COX10: variants seen among roughly 807,000 people sequenced by gnomAD.
The protein encoded by COX10 is cytochrome c oxidase assembly factor heme A:farnesyltransferase COX10.
Under a neutral mutation model 37.3 loss-of-function variants are expected in COX10, and 27 were observed. That is an observed-to-expected ratio of 0.72 (90% CI 0.53 to 1.00). COX10 has a LOEUF of 1.00. Ranked by LOEUF, COX10 falls within the 50% of genes least tolerant of loss-of-function variation. The pLI, the probability that COX10 is intolerant of heterozygous loss-of-function variation, is 0.00. For missense variants in COX10, 475 were observed against 563.2 expected (o/e 0.84, Z 1.59); for synonymous variants, 222 against 229.1 (o/e 0.97, Z 0.28).
intron 3 of COX10, among the ~76,000 whole-genome samples, chr17:14,084,449 C>T (rs1915365209): frequency 6.6e-6 from 1 of 152,008 alleles, no homozygotes; most frequent in African/African-American, 2.4e-5. Context: ...GAAATTTTTT[C>T]TATGCATCTC....
chr17:14,166,815 T>TGTGTTG (rs1905303154), intron 5 of COX10, among the ~76,000 whole-genome samples: 1 of 148,092 alleles, frequency 6.8e-6, no homozygotes, highest in African/African-American at 2.5e-5. Flanking sequence ...TTTGTATTTT[T>TGTGTTG]AGTAGAGATG....
At position 14,188,476 on chromosome 17, in the gene COX10, TAAA is replaced by T. The variant is rs57991104; in HGVS notation, c.696-3503_696-3501del. 3.3e-3 allele frequency among the ~76,000 whole-genome samples: 498 copies of T among 149,036 alleles called. 4 individuals carry two copies. The highest frequency in any genetic ancestry group is 0.012 in the African/African-American group (465 of 40,268). On this transcript the variant is annotated intron_variant, in intron 5 of 6. Transcript: ENST00000261643. ...AAAAATAGAATTAAAAGATAAAAAT[TAAA>T]AAAAAAAAACTATTTCTCAACCTAA...
In COX10 at chr17:14,076,868, C is replaced by T. The variant is rs202207627; in HGVS notation, c.311C>T (p.Pro104Leu). Residue 104 changes from proline to leucine, a missense_variant, in exon 3 of 7, where the codon CCG becomes CTG. Physicochemically the swap from Pro to Leu is moderately conservative, Grantham distance 98. Around this residue, in one of 5 missense-constraint regions of COX10, gnomAD observed 242 missense variants for 242.5 expected, o/e 1.00. Transcript: ENST00000261643. ...ATATATGAGATGAGACCTCTCTCAC[C>T]GCCCAGCCTATCTTTGTCCAGAAAG... ...AEIYEMRPLSPPSLSLSRKPN... is the reference protein window; with the variant it reads ...AEIYEMRPLSLPSLSLSRKPN... The T allele has an allele frequency of 1.8e-4, 292 of 1,614,098 alleles. No homozygotes were observed. The highest frequency in any genetic ancestry group is 1.6e-3 in the Middle Eastern group (10 of 6,062).
At chr17:14,169,252 T>C (rs1905383673) in intron 5 of COX10, among the ~76,000 whole-genome samples, 1 of 152,210 alleles carries the variant, frequency 6.6e-6, no homozygotes, top group Non-Finnish European at 1.5e-5. Flanking sequence ...TTTACTCCAA[T>C]TCCCAATAAT....
At chr17:14,086,750 C>G (rs935230803) in intron 3 of COX10, among the ~76,000 whole-genome samples, 2 of 151,886 alleles carry the variant, frequency 1.3e-5, no homozygotes, top group Non-Finnish European at 2.9e-5. Flanking sequence ...TAGTTATTTG[C>G]TTTCTTCCCT....
chr17:14,122,435 A>T (rs551594479), intron 4 of COX10, among the ~76,000 whole-genome samples: 1 of 152,306 alleles, frequency 6.6e-6, no homozygotes, highest in African/African-American at 2.4e-5. Flanking sequence ...TTATCCACTT[A>T]CAGTTTATCA....
chr17:14,102,122 G>A lies in COX10; in HGVS notation c.504G>A (p.Leu168=), dbSNP rs2159132. 892,208 of 1,613,070 alleles carry A rather than the reference G, an allele frequency of 0.55. 249,101 individuals carry two copies. The highest frequency in any genetic ancestry group is 0.59 in the Middle Eastern group (3,552 of 6,030). ...TGCTCTGTTTCTGTATCGCAGCTCT[G>A]GTTGTAAGTACCACTGCAGCTGGAT... ...ARLSKIKLTA[L]VVSTTAAGFA... is the part of the protein sequence containing the mutation. Residue 168 remains leucine, a synonymous_variant, in exon 4 of 7, where the codon CTG becomes CTA. Transcript: ENST00000261643.
intron 4 of COX10, among the ~76,000 whole-genome samples, chr17:14,146,237 T>C (rs1038804129): frequency 6.6e-5 from 10 of 152,008 alleles, no homozygotes; most frequent in African/African-American, 2.4e-4. Context: ...AGCTATAGTA[T>C]ACAAAGCTAT....
chr17:14,121,900 C>T (rs3826368), intron 4 of COX10, among the ~76,000 whole-genome samples: 24,621 of 151,826 alleles, frequency 0.16, 2,322 homozygotes, highest in East Asian at 0.38. Flanking sequence ...TAACCTGAGC[C>T]CAGAGAGGGA....
intron 4 of COX10, among the ~76,000 whole-genome samples, chr17:14,147,148 A>G (rs1029912023): frequency 6.6e-6 from 1 of 152,216 alleles, no homozygotes; most frequent in Admixed American, 6.5e-5. Context: ...ACTGCTAGGT[A>G]TATACCCAAA....
chr17:14,199,583 A>G (rs1362754034), intron 6 of COX10, among the ~76,000 whole-genome samples: 4 of 152,104 alleles, frequency 2.6e-5, no homozygotes, highest in African/African-American at 4.8e-5. Context: ...GAGAGGAGAG[A>G]ATCCAGCTCC....
chr17:14,087,158 G>T (rs1306944803), intron 3 of COX10, among the ~76,000 whole-genome samples: 1 of 152,178 alleles, frequency 6.6e-6, no homozygotes, highest in East Asian at 1.9e-4. Context: ...ACAGAATAAG[G>T]TGCAGGTGGC....
At chr17:14,203,916 G>C (rs1055549682) in intron 6 of COX10, among the ~76,000 whole-genome samples, 46 of 152,114 alleles carry the variant, frequency 3.0e-4, no homozygotes, top group African/African-American at 9.9e-4. Flanking sequence ...AGATGACACA[G>C]AGGGTTGGTG....
At position 14,111,471 on chromosome 17, in the gene COX10, T is replaced by C. The variant is rs148612794; in HGVS notation, c.624+9229T>C. ...ATACTTGTAATCTAGAATATCTTTA[T>C]ACTTTAAAATATACTGTGTAACCTT... On this transcript the variant is annotated intron_variant, in intron 4 of 6. Transcript: ENST00000261643. Among the ~76,000 whole-genome samples, 314 of 152,258 alleles carry C rather than the reference T, an allele frequency of 2.1e-3. 2 individuals carry two copies. The highest frequency in any genetic ancestry group is 0.01 in the Middle Eastern group (3 of 294).
At chr17:14,205,018 G>A (rs531722599) in intron 6 of COX10, among the ~76,000 whole-genome samples, 1 of 152,268 alleles carries the variant, frequency 6.6e-6, no homozygotes, top group Admixed American at 6.5e-5. Flanking sequence ...GAGGCAGGAG[G>A]ATGACTTGAG....
At chr17:14,173,700 C>T (rs1905557239) in intron 5 of COX10, among the ~76,000 whole-genome samples, 1 of 151,998 alleles carries the variant, frequency 6.6e-6, no homozygotes, top group Admixed American at 6.6e-5. Flanking sequence ...TTCTGGAGCT[C>T]CTGACTAGTA....
intron 4 of COX10, among the ~76,000 whole-genome samples, chr17:14,115,893 G>T (rs1268943264): frequency 2.0e-5 from 3 of 152,166 alleles, no homozygotes; most frequent in Non-Finnish European, 4.4e-5. Context: ...TTTGGAAAGG[G>T]TGGATGATGA....
intron 6 of COX10, among the ~76,000 whole-genome samples, chr17:14,195,990 C>G (rs1344552413): frequency 6.6e-6 from 1 of 152,018 alleles, no homozygotes; most frequent in Non-Finnish European, 1.5e-5. Context: ...GGGGATATCT[C>G]TCATCTGGGT....
intron 1 of COX10, among the ~76,000 whole-genome samples, chr17:14,073,016 A>G (rs1915060944): frequency 6.6e-6 from 1 of 152,232 alleles, no homozygotes; most frequent in Non-Finnish European, 1.5e-5. Context: ...GTGTGCAAAT[A>G]AGGAAACGAT....
Sources: allele counts gnomAD v4.1 joint callset (sites outside exome capture counted in the v4.1 genomes callset), GRCh38; gene constraint gnomAD v4.1.1; regional missense constraint gnomAD v4.1.1; transcripts MANE v1.5; gene names NCBI Gene and HGNC (gene_info 2026-07-23, HGNC 2026-07-21).